Variants in ZBTB8OS observed in about 807,000 individuals in gnomAD.
ZBTB8OS encodes tRNA splicing ligase complex subunit 1.
ZBTB8OS carries 16 observed loss-of-function variants against 29.3 expected under a neutral mutation model. The ratio of observed to expected loss-of-function variants is 0.55; its 90% CI spans 0.37 to 0.83. The LOEUF (loss-of-function observed/expected upper bound fraction) is 0.83. ZBTB8OS is among the 40% of genes least tolerant of loss of function. The pLI, the probability that ZBTB8OS is intolerant of heterozygous loss-of-function variation, is 0.00. For missense variants in ZBTB8OS, 160 were observed against 196.9 expected, an observed-to-expected ratio of 0.81 and a Z score of 1.12; for synonymous variants, 70 against 64.6, an observed-to-expected ratio of 1.08 and a Z score of -0.40.
chr1:32,636,961 G>C (rs535239993), intron 1 of ZBTB8OS, among the ~76,000 whole-genome samples: 8 of 152,114 alleles, frequency 5.3e-5, no homozygotes, highest in African/African-American at 1.7e-4. Flanking sequence ...TGTAATCAAC[G>C]GGAAGGATGG....
chr1:32,642,505 A>AAAAAAAAAAG (rs1271925516), intron 1 of ZBTB8OS, among the ~76,000 whole-genome samples: 5 of 149,830 alleles, frequency 3.3e-5, no homozygotes, highest in East Asian at 3.9e-4. Flanking sequence ...CTCTGTCTCA[A>AAAAAAAAAAG]AAAAAAAAAG....
chr1:32,649,368 A>C lies in ZBTB8OS; in HGVS notation c.97+1065T>G, dbSNP rs181302592. On this transcript the variant is annotated intron_variant, in intron 1 of 6. Transcript: ENST00000468695. ...GCCTAGAATACTATGGTAAATAAGT[A>C]GATTTTACAGAGAGGACAATGAGAA... Among the ~76,000 whole-genome samples the C allele has an allele frequency of 5.5e-3, 838 of 152,262 alleles. 4 individuals are homozygous for C. The highest frequency in any genetic ancestry group is 9.0e-3 in the Non-Finnish European group (609 of 68,014).
intron 1 of ZBTB8OS, 145 bp from the exon 2 acceptor site, chr1:32,634,937 A>G (rs1645841906): frequency 1.4e-6 from 1 of 704,962 alleles, no homozygotes; most frequent in Non-Finnish European, 2.6e-6. Flanking sequence ...ACCTTTTGCT[A>G]TCTATTCACT....
Position 32,621,966 on chromosome 1 carries a change from G to GAAAAA in ZBTB8OS, c.418-23_418-19dup. 1.7e-5 allele frequency: 16 copies of GAAAAA among 918,972 alleles called. No individual in the cohort carries two copies. Among genetic ancestry groups the GAAAAA allele is most frequent in the East Asian group, 6.0e-5 (2 of 33,434 alleles). The allele number at this position is 918,972 out of a possible 1,614,324, so 56.9% of individuals were successfully genotyped here. ...TCTGTTCCCTAAAGTTGGGGTTAGA[G>GAAAAA]AAAAAAAAAAAAAAAAGGAAAATAG... On this transcript the variant is annotated intron_variant, in intron 6 of 6. Transcript: ENST00000468695.
intron 1 of ZBTB8OS, among the ~76,000 whole-genome samples, chr1:32,648,509 C>A (rs1647023918): frequency 6.6e-6 from 1 of 152,018 alleles, no homozygotes. Context: ...AAAGCAAATG[C>A]TAGAACATCT....
In ZBTB8OS at chr1:32,621,776, C is replaced by A; in HGVS notation, c.*86G>T. 1 of 929,730 alleles carries A rather than the reference C, an allele frequency of 1.1e-6. No homozygotes were observed. 57.6% of individuals were successfully genotyped at this position (929,730 alleles called of 1,614,324 possible). A position where few individuals can be genotyped will look rare whatever the true frequency, so the allele number is the denominator to read the frequency against. ...CAAATTTCCATATATCAAAAAAAAG[C>A]TGTAGAATTTAATTCATAGTGTCTT... On this transcript the variant is annotated 3_prime_UTR_variant, in exon 7 of 7. Transcript: ENST00000468695.
chr1:32,625,307 T>A (rs146811532), intron 6 of ZBTB8OS, among the ~76,000 whole-genome samples: 2 of 151,572 alleles, frequency 1.3e-5, no homozygotes, highest in East Asian at 3.9e-4. Context: ...CTGAGGTAGG[T>A]AAATCACCTG....
At position 32,638,623 on chromosome 1, in the gene ZBTB8OS, T is replaced by A. The variant is rs150651178; in HGVS notation, c.98-3831A>T. ...AAATACGTATTAATTCATTTAAAAA[T>A]AACAATAGGCTGGGTGTGGTGGCTC... On this transcript the variant is annotated intron_variant, in intron 1 of 6. Coordinates refer to ENST00000468695, the MANE Select transcript of ZBTB8OS (RefSeq NM_178547.5). 8.4e-3 allele frequency among the ~76,000 whole-genome samples: 1,280 copies of A among 152,234 alleles called. 19 individuals carry two copies. Among genetic ancestry groups the A allele is most frequent in the African/African-American group, 0.028 (1,182 of 41,544 alleles).
chr1:32,643,578 C>A lies in ZBTB8OS; in HGVS notation c.97+6855G>T, dbSNP rs1570702181. 4.6e-5 allele frequency among the ~76,000 whole-genome samples: 7 copies of A among 151,796 alleles called. No homozygotes were observed. The South Asian group carries it at 1.5e-3, about 32-fold the overall frequency. ...TGGCATGATCTCGGCTCACCACAAC[C>A]CCTGCCTCCCGGGTTCAAGCTATTC... On this transcript the variant is annotated intron_variant, in intron 1 of 6. Coordinates refer to ENST00000468695, the MANE Select transcript of ZBTB8OS (RefSeq NM_178547.5).
At position 32,634,498 on chromosome 1, in the gene ZBTB8OS, T is replaced by C. The variant is rs1570581786; in HGVS notation, c.122+270A>G. On this transcript the variant is annotated intron_variant, in intron 2 of 6. Transcript: ENST00000468695. The stretch of plus-strand genomic sequence containing the variant: ...CCTCAGCCTCCCAAAGTGCTGGGAT[T>C]ACAGGCGTTGAGCCACCACACCCGG... 5.8e-6 allele frequency: 3 copies of C among 517,772 alleles called. No individual in the cohort carries two copies. In the East Asian group the frequency reaches 9.0e-5, roughly 16 times the overall value. 32.1% of individuals were successfully genotyped at this position (517,772 alleles called of 1,614,324 possible). A position where few individuals can be genotyped will look rare whatever the true frequency, so the allele number is the denominator to read the frequency against.
At chr1:32,623,852 C>G (rs1046672285) in intron 6 of ZBTB8OS, among the ~76,000 whole-genome samples, 1 of 152,190 alleles carries the variant, frequency 6.6e-6, no homozygotes, top group Admixed American at 6.5e-5. Context: ...TATATTTTGG[C>G]TGTGTCCCCA....
At chr1:32,636,345 G>A (rs186762367) in intron 1 of ZBTB8OS, among the ~76,000 whole-genome samples, 7 of 152,216 alleles carry the variant, frequency 4.6e-5, no homozygotes, top group East Asian at 1.9e-4. Flanking sequence ...TTGATGAATC[G>A]GCTTTGTCTG....
At chr1:32,622,383 T>C (rs1181352680) in intron 6 of ZBTB8OS, among the ~76,000 whole-genome samples, 1 of 152,182 alleles carries the variant, frequency 6.6e-6, no homozygotes, top group Non-Finnish European at 1.5e-5. Flanking sequence ...CATAGAATAC[T>C]ACACAGCCAT....
At chr1:32,625,575 C>T (rs1019114742) in intron 6 of ZBTB8OS, among the ~76,000 whole-genome samples, 1 of 148,040 alleles carries the variant, frequency 6.8e-6, no homozygotes, top group Non-Finnish European at 1.5e-5. Flanking sequence ...AAAACAAAAA[C>T]TGTTAGGAGT....
chr1:32,640,204 C>T (rs1272099556), intron 1 of ZBTB8OS, among the ~76,000 whole-genome samples: 1 of 152,100 alleles, frequency 6.6e-6, no homozygotes, highest in Non-Finnish European at 1.5e-5. Context: ...TCAAGCAATT[C>T]CCCTGCCTCA....
chr1:32,649,666 A>C (rs866157633), intron 1 of ZBTB8OS, among the ~76,000 whole-genome samples: 6 of 127,418 alleles, frequency 4.7e-5, no homozygotes, highest in Admixed American at 4.5e-4. Context: ...ACACACACAC[A>C]CATTTTTTTT....
At chr1:32,640,248 C>G (rs1344545790) in intron 1 of ZBTB8OS, among the ~76,000 whole-genome samples, 1 of 152,104 alleles carries the variant, frequency 6.6e-6, no homozygotes, top group Non-Finnish European at 1.5e-5. Flanking sequence ...AGGCGCACGC[C>G]ACCACGCCTG....
intron 1 of ZBTB8OS, among the ~76,000 whole-genome samples, chr1:32,636,215 T>C (rs114615141): frequency 0.03 from 4,614 of 152,206 alleles, 235 homozygotes; most frequent in African/African-American, 0.1. Flanking sequence ...ACCAGCCAAA[T>C]TGTCTTTAAA....
chr1:32,636,712 G>C (rs1057057958), intron 1 of ZBTB8OS, among the ~76,000 whole-genome samples: 7 of 151,446 alleles, frequency 4.6e-5, no homozygotes, highest in Non-Finnish European at 1.0e-4. Context: ...AAAAAAGGTG[G>C]GGGGGAAGAA....
Sources: allele counts gnomAD v4.1 joint callset (sites outside exome capture counted in the v4.1 genomes callset), GRCh38; gene constraint gnomAD v4.1.1; transcripts MANE v1.5; gene names NCBI Gene and HGNC (gene_info 2026-07-23, HGNC 2026-07-21).